Variants in CDK14 observed in about 807,000 individuals in gnomAD.
CDK14 encodes the protein cyclin-dependent kinase 14.
A neutral mutation model predicts 60.7 loss-of-function variants in CDK14; 34 were observed. The ratio of observed to expected loss-of-function variants is 0.56; its 90% CI spans 0.43 to 0.75. The LOEUF is 0.75. CDK14 is among the 30% of genes least tolerant of loss of function. The pLI is 0.00. For synonymous variants in CDK14, 197 were observed against 203.7 expected, an observed-to-expected ratio of 0.97 and a Z score of 0.28; for missense variants, 482 against 564.1, an observed-to-expected ratio of 0.85 and a Z score of 1.47.
intron 2 of CDK14, among the ~76,000 whole-genome samples, chr7:90,681,044 T>A (rs1801304671): frequency 6.6e-6 from 1 of 152,224 alleles, no homozygotes; most frequent in Non-Finnish European, 1.5e-5. Context: ...ATGGATAGTT[T>A]GATTTATTTT....
rs187452929 is a variant in CDK14, at chr7:91,103,028, C to T, written c.1155-9514C>T. ...CAGCACTTTGGGAGGCTGAGGCGGG[C>T]GGATCAACTGAGTTCAGGGTTCGAG... On this transcript the variant is annotated intron_variant, in intron 12 of 14. Transcript: ENST00000380050. Among the ~76,000 whole-genome samples the T allele has an allele frequency of 2.6e-4, 40 of 152,108 alleles. No homozygotes were observed. The South Asian group carries it at 3.1e-3, about 12-fold the overall frequency.
At chr7:90,640,071 C>T (rs1800283149) in intron 2 of CDK14, among the ~76,000 whole-genome samples, 1 of 152,158 alleles carries the variant, frequency 6.6e-6, no homozygotes, top group South Asian at 2.1e-4. Context: ...CTTGTGCTTC[C>T]CGAGTGAGGC....
At chr7:91,011,402 T>C (rs1490840144) in intron 10 of CDK14, among the ~76,000 whole-genome samples, 1 of 152,072 alleles carries the variant, frequency 6.6e-6, no homozygotes, top group Non-Finnish European at 1.5e-5. Context: ...TTTTAAGCAA[T>C]TTAATTATAA....
chr7:90,898,716 G>A (rs1267552804), intron 6 of CDK14, among the ~76,000 whole-genome samples: 1 of 151,872 alleles, frequency 6.6e-6, no homozygotes, highest in Non-Finnish European at 1.5e-5. Flanking sequence ...AAACATATCT[G>A]GATATATTTA....
At chr7:90,837,882 C>T (rs1790164332) in intron 5 of CDK14, among the ~76,000 whole-genome samples, 1 of 152,100 alleles carries the variant, frequency 6.6e-6, no homozygotes, top group African/African-American at 2.4e-5. Context: ...TATTAAACAT[C>T]TAGAGTAGTG....
intron 11 of CDK14, among the ~76,000 whole-genome samples, chr7:91,078,698 G>A (rs904908146): frequency 7.2e-5 from 11 of 152,124 alleles, no homozygotes; most frequent in Non-Finnish European, 1.5e-4. Flanking sequence ...AATGTTTATT[G>A]TAAAATCCGT....
At chr7:90,882,599 T>C (rs1229676155) in intron 6 of CDK14, among the ~76,000 whole-genome samples, 3 of 152,208 alleles carry the variant, frequency 2.0e-5, no homozygotes, top group African/African-American at 7.2e-5. Context: ...GCAGACCTAG[T>C]AGATATCTAC....
chr7:91,092,501 C>T (rs1798859604), intron 12 of CDK14, among the ~76,000 whole-genome samples: 1 of 152,210 alleles, frequency 6.6e-6, no homozygotes, highest in Non-Finnish European at 1.5e-5. Flanking sequence ...ACTGGGCTCC[C>T]ATGCACAAAG....
chr7:90,955,828 G>C lies in CDK14; in HGVS notation c.947+11G>C. The C allele has an allele frequency of 6.2e-7, 1 of 1,612,330 alleles. No homozygotes were observed. Among genetic ancestry groups the C allele is most frequent in the Non-Finnish European group, 8.5e-7 (1 of 1,178,848 alleles). On this transcript the variant is annotated intron_variant, in intron 9 of 14. Transcript: ENST00000380050. ...CTGCCTTGACATGTGGTGAGAAATG[G>C]AAGCTTTACTCTAGCTAATCTATCT...
chr7:90,738,779 A>G (rs749351494), intron 3 of CDK14, among the ~76,000 whole-genome samples: 4 of 152,212 alleles, frequency 2.6e-5, no homozygotes, highest in East Asian at 1.9e-4. Context: ...AAGGTTGACT[A>G]CACCTTGGTT....
chr7:90,799,274 C>T lies in CDK14; in HGVS notation c.544+8622C>T, dbSNP rs556852897. ...TGCTTGCACAGCCAGAGCCTAGTCT[C>T]ACTTAACACTCACAAAACCCTCTAA... On this transcript the variant is annotated intron_variant, in intron 5 of 14. Transcript: ENST00000380050. 2.6e-5 allele frequency among the ~76,000 whole-genome samples: 4 copies of T among 152,306 alleles called. No homozygotes were observed. The South Asian group carries it at 8.3e-4, about 32-fold the overall frequency.
intron 2 of CDK14, among the ~76,000 whole-genome samples, chr7:90,715,841 A>C (rs1802230074): frequency 6.6e-6 from 1 of 151,842 alleles, no homozygotes; most frequent in African/African-American, 2.4e-5. Flanking sequence ...TGTGTTTTGT[A>C]GAATCTCAAA....
intron 2 of CDK14, among the ~76,000 whole-genome samples, chr7:90,649,078 C>T (rs1263925685): frequency 6.6e-6 from 1 of 152,070 alleles, no homozygotes; most frequent in Admixed American, 6.6e-5. Context: ...GGTTGGAACT[C>T]TGTAAATTAT....
intron 14 of CDK14, among the ~76,000 whole-genome samples, chr7:91,156,702 G>A (rs1800996605): frequency 6.6e-6 from 1 of 152,112 alleles, no homozygotes; most frequent in Non-Finnish European, 1.5e-5. Context: ...ACCTATAAGT[G>A]GTGGCCATTT....
intron 9 of CDK14, among the ~76,000 whole-genome samples, chr7:90,962,643 A>T (rs1794634739): frequency 1.3e-5 from 2 of 152,188 alleles, no homozygotes; most frequent in African/African-American, 4.8e-5. Context: ...ATGTAAAATG[A>T]GGCATTGTTC....
chr7:91,077,844 A>T (rs1439566485), intron 11 of CDK14, among the ~76,000 whole-genome samples: 1 of 152,100 alleles, frequency 6.6e-6, no homozygotes, highest in Non-Finnish European at 1.5e-5. Context: ...TAAAATTGGT[A>T]CCTTGATAAA....
intron 11 of CDK14, among the ~76,000 whole-genome samples, chr7:91,060,141 C>T (rs985457911): frequency 6.6e-6 from 1 of 151,982 alleles, no homozygotes; most frequent in Non-Finnish European, 1.5e-5. Flanking sequence ...TGAATTGATC[C>T]CTTTACCATT....
At chr7:90,903,305 A>G (rs1792580068) in intron 7 of CDK14, among the ~76,000 whole-genome samples, 1 of 152,324 alleles carries the variant, frequency 6.6e-6, no homozygotes, top group African/African-American at 2.4e-5. Context: ...AAGATATGGA[A>G]TCAATCTAAG....
chr7:90,735,439 C>T (rs1428923501), intron 3 of CDK14, among the ~76,000 whole-genome samples: 3 of 152,178 alleles, frequency 2.0e-5, no homozygotes, highest in Non-Finnish European at 4.4e-5. Flanking sequence ...TTGCTCTGTC[C>T]CAGGGAGATG....
Sources: gnomAD v4.1 joint callset for allele counts (sites outside exome capture counted in the v4.1 genomes callset) on GRCh38, gnomAD v4.1.1 for gene constraint, MANE v1.5 for transcripts, NCBI Gene and HGNC (gene_info 2026-07-23, HGNC 2026-07-21) for gene names.